The following DOCK3 variants were observed in gnomAD, a reference collection of about 807,000 sequenced individuals.
DOCK3 encodes dedicator of cytokinesis 3, also known as dedicator of cytokinesis protein 3.
DOCK3 carries 60 observed loss-of-function variants against 265.6 expected under a neutral mutation model. That is an observed-to-expected ratio of 0.23 (90% confidence interval 0.18 to 0.28). DOCK3 has a LOEUF of 0.28. Ranked by LOEUF, DOCK3 falls within the 10% of genes least tolerant of loss-of-function variation. DOCK3 has a pLI of 1.00. For synonymous variants in DOCK3, 881 were observed against 938.0 expected (o/e 0.94, Z 1.11); for missense variants, 1,981 against 2,594.3 (o/e 0.76, Z 5.14).
At chr3:50,722,294 AAG>A (rs1353016665) in intron 1 of DOCK3, among the ~76,000 whole-genome samples, 1 of 152,180 alleles carries the variant, frequency 6.6e-6, no homozygotes, top group Non-Finnish European at 1.5e-5. Context: ...GAGAGAGACA[AAG>A]AGAAAGATCA....
At chr3:51,290,260 C>A (rs1038968183) in intron 27 of DOCK3, among the ~76,000 whole-genome samples, 7 of 152,148 alleles carry the variant, frequency 4.6e-5, no homozygotes, top group African/African-American at 7.2e-5. Flanking sequence ...GCACTACTCA[C>A]AATAGCAAAG....
chr3:50,952,110 T>C (rs535819418), intron 5 of DOCK3, among the ~76,000 whole-genome samples: 1 of 152,302 alleles, frequency 6.6e-6, no homozygotes, highest in African/African-American at 2.4e-5. Context: ...GTGCAGAGAA[T>C]TGGAAGAGCA....
At chr3:50,868,050 T>C (rs540529341) in intron 3 of DOCK3, among the ~76,000 whole-genome samples, 1 of 152,014 alleles carries the variant, frequency 6.6e-6, no homozygotes, top group Non-Finnish European at 1.5e-5. Flanking sequence ...AGCCATTGGG[T>C]CCCAGGCTTT....
intron 12 of DOCK3, among the ~76,000 whole-genome samples, chr3:51,184,211 T>C (rs2087461563): frequency 6.6e-6 from 1 of 151,416 alleles, no homozygotes; most frequent in Admixed American, 6.6e-5. Context: ...CTCAGGAGGC[T>C]GAGGCAGGAG....
chr3:50,842,345 C>T (rs2045882491), intron 3 of DOCK3, among the ~76,000 whole-genome samples: 1 of 152,026 alleles, frequency 6.6e-6, no homozygotes, highest in African/African-American at 2.4e-5. Flanking sequence ...ATATTTGATG[C>T]AGTATGTTTT....
chr3:51,147,809 A>G (rs2085375422), intron 10 of DOCK3, among the ~76,000 whole-genome samples: 1 of 152,148 alleles, frequency 6.6e-6, no homozygotes, highest in African/African-American at 2.4e-5. Flanking sequence ...ATACATCTCC[A>G]TGTGTCTTAA....
chr3:51,362,433 A>G, intron 48 of DOCK3, 94 bp from the exon 49 acceptor site: 1 of 1,513,820 alleles, frequency 6.6e-7, no homozygotes, highest in Non-Finnish European at 9.0e-7. Context: ...GCACTGGGGC[A>G]GAACACCTCA....
chr3:50,881,604 C>T (rs977732468), intron 3 of DOCK3, among the ~76,000 whole-genome samples: 6 of 151,996 alleles, frequency 3.9e-5, no homozygotes, highest in East Asian at 1.9e-4. Context: ...CACTGCTCAA[C>T]GAAATAAAAG....
intron 5 of DOCK3, among the ~76,000 whole-genome samples, chr3:51,047,521 C>A (rs2080826262): frequency 6.6e-6 from 1 of 151,476 alleles, no homozygotes; most frequent in African/African-American, 2.4e-5. Context: ...AACAGGTAGA[C>A]TAAGAAAAGA....
intron 7 of DOCK3, 81 bp downstream of exon 7, chr3:51,075,521 C>T: frequency 8.2e-7 from 1 of 1,222,492 alleles, no homozygotes; most frequent in South Asian, 1.5e-5. Context: ...TGTTATGAAA[C>T]AACATTGCTA....
intron 1 of DOCK3, among the ~76,000 whole-genome samples, chr3:50,707,053 C>T (rs1254762741): frequency 6.6e-6 from 1 of 152,076 alleles, no homozygotes; most frequent in African/African-American, 2.4e-5. Flanking sequence ...TCTGTCTCTT[C>T]TTCCTGCTTT....
intron 5 of DOCK3, among the ~76,000 whole-genome samples, chr3:51,019,851 C>T (rs2079511507): frequency 6.6e-6 from 1 of 151,788 alleles, no homozygotes. Context: ...TGTATATATA[C>T]CATGTTTTCT....
At chr3:50,697,021 C>G (rs2035672372) in intron 1 of DOCK3, among the ~76,000 whole-genome samples, 1 of 151,594 alleles carries the variant, frequency 6.6e-6, no homozygotes. Flanking sequence ...ACCTCCACCT[C>G]CTGGGTTAAA....
intron 1 of DOCK3, among the ~76,000 whole-genome samples, chr3:50,762,008 A>G (rs2040562207): frequency 1.3e-5 from 2 of 152,212 alleles, no homozygotes; most frequent in Admixed American, 1.3e-4. Flanking sequence ...TCGCAAGGAC[A>G]GAAAACCAAA....
At chr3:50,980,792 A>G (rs2077661831) in intron 5 of DOCK3, among the ~76,000 whole-genome samples, 1 of 152,000 alleles carries the variant, frequency 6.6e-6, no homozygotes, top group Non-Finnish European at 1.5e-5. Flanking sequence ...CTTTGGTATC[A>G]GCTATAATAT....
chr3:51,225,187 G>T (rs1008772048), intron 14 of DOCK3, among the ~76,000 whole-genome samples: 4 of 152,168 alleles, frequency 2.6e-5, no homozygotes, highest in South Asian at 2.1e-4. Context: ...AGACTCAGAA[G>T]GGATGGGGAT....
At chr3:50,828,951 ATC>A (rs1422364114) in intron 2 of DOCK3, among the ~76,000 whole-genome samples, 1 of 151,722 alleles carries the variant, frequency 6.6e-6, no homozygotes, top group Non-Finnish European at 1.5e-5. Context: ...TCTCCTTGTG[ATC>A]TGTCTGCCTT....
intron 35 of DOCK3, among the ~76,000 whole-genome samples, chr3:51,336,286 T>A (rs533345977): frequency 6.6e-6 from 1 of 152,210 alleles, no homozygotes; most frequent in South Asian, 2.1e-4. Flanking sequence ...AGATTCTCAC[T>A]GGTAGTAACT....
chr3:51,347,275 T>C (rs1035523907), intron 38 of DOCK3, among the ~76,000 whole-genome samples: 1 of 152,232 alleles, frequency 6.6e-6, no homozygotes, highest in African/African-American at 2.4e-5. Flanking sequence ...GGTTTTAGGC[T>C]AACATTTAAG....
Sources: allele counts gnomAD v4.1 joint callset (sites outside exome capture counted in the v4.1 genomes callset), GRCh38; gene constraint gnomAD v4.1.1; transcripts MANE v1.5; gene names NCBI Gene and HGNC (gene_info 2026-07-23, HGNC 2026-07-21).